Variants in PHC1 observed in about 807,000 individuals in gnomAD.
PHC1 encodes the protein polyhomeotic homolog 1, also known as polyhomeotic-like protein 1.
Under a neutral mutation model 104.3 loss-of-function variants are expected in PHC1, and 12 were observed. The ratio of observed to expected loss-of-function variants is 0.12; its 90% CI spans 0.07 to 0.19. PHC1 has a LOEUF of 0.19. Ranked by LOEUF, PHC1 falls within the 10% of genes least tolerant of loss-of-function variation. The pLI is 1.00. For missense variants in PHC1, 671 were observed against 1,200.0 expected, an observed-to-expected ratio of 0.56 and a Z score of 6.51; for synonymous variants, 302 against 455.8, an observed-to-expected ratio of 0.66 and a Z score of 4.30.
intron 7 of PHC1, among the ~76,000 whole-genome samples, chr12:8,931,412 A>G (rs572329976): frequency 6.6e-6 from 1 of 152,206 alleles, no homozygotes; most frequent in Non-Finnish European, 1.5e-5. Context: ...CTTAAGACTA[A>G]TGGAGAGGCG....
intron 4 of PHC1, 70 bp from the exon 5 acceptor site, chr12:8,921,531 T>A: frequency 7.2e-7 from 1 of 1,390,092 alleles, no homozygotes; most frequent in Non-Finnish European, 1.0e-6. Context: ...GACTCTGAAT[T>A]TGTCAGTCAC....
intron 14 of PHC1, among the ~76,000 whole-genome samples, chr12:8,938,879 C>G (rs970315406): frequency 7.2e-5 from 11 of 152,080 alleles, no homozygotes; most frequent in African/African-American, 2.4e-4. Flanking sequence ...GGCTGGAGTG[C>G]TGTGGCATGA....
At chr12:8,920,222 T>G (rs951675145) in intron 3 of PHC1, among the ~76,000 whole-genome samples, 2 of 152,246 alleles carry the variant, frequency 1.3e-5, no homozygotes, top group African/African-American at 4.8e-5. Context: ...ATATCAGTAA[T>G]TTAAAAATAT....
rs762279935 is a variant in PHC1 at position 8,919,846 on chromosome 12, A to G, written c.205A>G (p.Ser69Gly). The G allele has an allele frequency of 2.5e-6, 4 of 1,602,374 alleles. No homozygotes were observed. The highest frequency in any genetic ancestry group is 2.2e-5 in the East Asian group (1 of 44,796). The change falls in exon 3 of 15, where the codon AGC becomes GGC. Residue 69 changes from serine (S) to glycine (G), a missense_variant. Transcript: ENST00000544916. The surrounding 1 kb of genome is among the most constrained non-coding windows in gnomAD (Gnocchi z 4.9). ...QQQLSNAQLH[S>G]LAAVQQATIA... ...GCAGCTCAGTAATGCCCAGCTGCAT[A>G]GCCTGGCTGCCGTCCAGCAGGTGAG...
intron 6 of PHC1, among the ~76,000 whole-genome samples, chr12:8,926,310 C>T (rs1945508808): frequency 1.3e-5 from 2 of 152,164 alleles, no homozygotes; most frequent in Admixed American, 6.5e-5. Context: ...GTTTACTCTC[C>T]TCAGTCTTTA....
intron 11 of PHC1, among the ~76,000 whole-genome samples, chr12:8,935,541 A>C (rs1408989050): frequency 1.3e-5 from 2 of 151,684 alleles, no homozygotes; most frequent in African/African-American, 4.8e-5. Context: ...CGGGAGAACC[A>C]CTTGAACCTG....
chr12:8,915,523 C>A (rs938362604), intron 1 of PHC1, among the ~76,000 whole-genome samples: 1 of 152,100 alleles, frequency 6.6e-6, no homozygotes, highest in Non-Finnish European at 1.5e-5. Flanking sequence ...TTCTAACTCC[C>A]TTCGGTAGGT....
chr12:8,922,725 G>A lies in PHC1; in HGVS notation c.549G>A (p.Val183=). ...TCATCCTGATGCCTAATGGGGCGGT[G>A]GCTGCAGTCCAGCAGGAGGTGCCAT... is the stretch of plus-strand genomic sequence containing the variant. ...SQLILMPNGA[V]AAVQQEVPSA... is the part of the protein sequence containing the mutation. Residue 183 remains valine, a synonymous_variant, in exon 6 of 15, where the codon GTG becomes GTA. Coordinates refer to ENST00000544916, the MANE Select transcript of PHC1 (RefSeq NM_004426.3). 1.9e-6 allele frequency: 3 copies of A among 1,612,118 alleles called. No individual in the cohort carries two copies. The highest frequency in any genetic ancestry group is 2.5e-6 in the Non-Finnish European group (3 of 1,179,256).
At chr12:8,936,991 C>A in intron 12 of PHC1, 27 bp downstream of exon 12, 1 of 1,506,024 alleles carries the variant, frequency 6.6e-7, no homozygotes, top group African/African-American at 1.4e-5. Context: ...CCTCCTTGCC[C>A]TCAGCACTGG....
chr12:8,929,417 A>C (rs1013729874), intron 6 of PHC1, among the ~76,000 whole-genome samples: 1 of 152,048 alleles, frequency 6.6e-6, no homozygotes, highest in Admixed American at 6.5e-5. Context: ...TCCTTGCTTT[A>C]TTTCTTTCCA....
upstream of PHC1, among the ~76,000 whole-genome samples, chr12:8,914,367 C>G (rs1373252087): frequency 6.7e-6 from 1 of 150,114 alleles, no homozygotes; most frequent in Non-Finnish European, 1.5e-5. Context: ...GGCCCGGGAG[C>G]TGCGTCGCCA....
chr12:8,928,401 C>T (rs1269112297), intron 6 of PHC1, among the ~76,000 whole-genome samples: 1 of 150,228 alleles, frequency 6.7e-6, no homozygotes, highest in African/African-American at 2.4e-5. Flanking sequence ...ATGACACTCT[C>T]TCACTGTTGG....
At chr12:8,936,476 G>A (rs1407370789) in intron 11 of PHC1, among the ~76,000 whole-genome samples, 1 of 151,946 alleles carries the variant, frequency 6.6e-6, no homozygotes, top group Non-Finnish European at 1.5e-5. Flanking sequence ...CTATCTTAAG[G>A]ACTCTTACTG....
At chr12:8,917,286 G>A (rs1945230162) in intron 1 of PHC1, among the ~76,000 whole-genome samples, 1 of 152,190 alleles carries the variant, frequency 6.6e-6, no homozygotes, top group Non-Finnish European at 1.5e-5. Context: ...ACTTTTAAGT[G>A]GAAAGATTTT....
chr12:8,920,446 G>A (rs1296739088), intron 3 of PHC1, among the ~76,000 whole-genome samples: 5 of 152,002 alleles, frequency 3.3e-5, no homozygotes, highest in East Asian at 1.9e-4. Flanking sequence ...GGTGGCTTAC[G>A]CCTGTAATGC....
chr12:8,921,192 G>T, intron 4 of PHC1, 127 bp downstream of exon 4: 1 of 658,580 alleles, frequency 1.5e-6, no homozygotes, highest in Non-Finnish European at 2.6e-6. Context: ...CTTTTAAGTA[G>T]AGAATAGTAG....
rs777245537 is a variant in PHC1 at position 8,930,659 on chromosome 12, G to GGGTCCA, written c.841_846dup (p.Pro281_Gly282dup). ...GTGGGAATAGCATCCCAGGGTCCAT[G>GGGTCCA]GGTCCAGGTGGAGGTGGGCAGGCAC... On this transcript the variant is annotated inframe_insertion, in exon 7 of 15. Transcript: ENST00000544916. 5 of 1,408,978 alleles carry GGGTCCA rather than the reference G, an allele frequency of 3.5e-6. No individual in the cohort carries two copies. Among genetic ancestry groups the GGGTCCA allele is most frequent in the Non-Finnish European group, 4.8e-6 (5 of 1,033,094 alleles). The allele number at this position is 1,408,978 out of a possible 1,614,324, so 87.3% of individuals were successfully genotyped here. A position where few individuals can be genotyped will look rare whatever the true frequency, so the allele number is the denominator to read the frequency against.
At chr12:8,931,448 C>T (rs1202443888) in intron 7 of PHC1, among the ~76,000 whole-genome samples, 7 of 152,162 alleles carry the variant, frequency 4.6e-5, no homozygotes, top group Non-Finnish European at 1.0e-4. Context: ...GTCCTGTAAT[C>T]CCAGCACTTT....
chr12:8,923,610 C>T (rs1386879683), intron 6 of PHC1, among the ~76,000 whole-genome samples: 2 of 151,962 alleles, frequency 1.3e-5, no homozygotes, highest in South Asian at 2.1e-4. Flanking sequence ...GGGTGGATCA[C>T]GAGGTCAGGA....
Sources: allele counts gnomAD v4.1 joint callset (sites outside exome capture counted in the v4.1 genomes callset), GRCh38; gene constraint gnomAD v4.1.1; non-coding constraint Gnocchi (gnomAD v3.1); transcripts MANE v1.5; gene names NCBI Gene and HGNC (gene_info 2026-07-23, HGNC 2026-07-21).